Variants in EDAR observed in about 807,000 individuals in gnomAD.
The protein encoded by EDAR is ectodysplasin A receptor.
In EDAR, 38 loss-of-function variants were observed where a neutral mutation model predicts 51.3. The observed-to-expected ratio is 0.74, with a 90% CI of 0.57 to 0.97. EDAR has a LOEUF of 0.97. Ranked by LOEUF, EDAR falls within the 50% of genes least tolerant of loss-of-function variation. The pLI is 0.00. For synonymous variants in EDAR, 227 were observed against 242.1 expected, an observed-to-expected ratio of 0.94 and a Z score of 0.58; for missense variants, 528 against 595.0, an observed-to-expected ratio of 0.89 and a Z score of 1.17.
chr2:108,934,818 G>C (rs796446165), intron 1 of EDAR, among the ~76,000 whole-genome samples: 13 of 152,292 alleles, frequency 8.5e-5, no homozygotes, highest in African/African-American at 2.9e-4. Context: ...CTGTTCACTG[G>C]GGATTAAGGG....
intron 1 of EDAR, among the ~76,000 whole-genome samples, chr2:108,954,382 A>G (rs1697880723): frequency 6.6e-6 from 1 of 152,220 alleles, no homozygotes; most frequent in Admixed American, 6.5e-5. Flanking sequence ...GGAATTTCAC[A>G]GACATTCTGC....
rs1697319846 is a variant in EDAR, at chr2:108,929,287, A to T, written c.267T>A (p.Arg89=). 6.2e-7 allele frequency: 1 copy of T among 1,614,166 alleles called. No individual in the cohort carries two copies. The highest frequency in any genetic ancestry group is 8.5e-7 in the Non-Finnish European group (1 of 1,180,024). The change falls in exon 4 of 12, where the codon CGT becomes CGA. Residue 89 remains arginine (R), a synonymous_variant. Transcript: ENST00000258443. ...FSKGGYQICR[R]HKDCEGFFRA... ...GGAAGAAGCCCTCACAGTCTTTGTG[A>T]CGCCTGCATATCTGGTAGCCTCCTT...
intron 1 of EDAR, among the ~76,000 whole-genome samples, chr2:108,986,866 A>C (rs1054097015): frequency 3.9e-5 from 6 of 152,226 alleles, no homozygotes; most frequent in African/African-American, 1.4e-4. Flanking sequence ...CTCACAGGAA[A>C]GGCTGGCTGG....
chr2:108,953,960 G>C (rs1574402153), intron 1 of EDAR, among the ~76,000 whole-genome samples: 1 of 152,140 alleles, frequency 6.6e-6, no homozygotes, highest in Admixed American at 6.5e-5. Context: ...AGATTACCAA[G>C]ATCCTAAAAC....
At chr2:108,987,791 CT>C (rs1174955566) in intron 1 of EDAR, among the ~76,000 whole-genome samples, 2 of 152,236 alleles carry the variant, frequency 1.3e-5, no homozygotes, top group Non-Finnish European at 2.9e-5. Context: ...GGAACGAACG[CT>C]TATTTCCAAG....
intron 11 of EDAR, among the ~76,000 whole-genome samples, chr2:108,903,535 A>T (rs2105383880): frequency 6.6e-6 from 1 of 152,318 alleles, no homozygotes; most frequent in East Asian, 1.9e-4. Flanking sequence ...TTGTGGTATT[A>T]TCAGAGGGAC....
rs1696841132 is a variant in EDAR at position 108,907,874 on chromosome 2, T to C, written c.949A>G (p.Asn317Asp). The change falls in exon 10 of 12, where the codon AAC (asparagine) becomes GAC (aspartate). Residue 317 changes from asparagine to aspartate, a missense_variant. Physicochemically the swap from Asn to Asp is conservative, Grantham distance 23. Transcript: ENST00000258443. ...HLAREKSATS[N>D]KSAGIQSRRK... ...AGGAGCCTCACCCCGGCTGACTTGTTGCTGGTGGCAGACTTCTCCCTGGCC... is the reference window on the plus strand; with the variant it reads ...AGGAGCCTCACCCCGGCTGACTTGTCGCTGGTGGCAGACTTCTCCCTGGCC... 1 of 1,613,580 alleles carries C rather than the reference T, an allele frequency of 6.2e-7. No homozygotes were observed. The highest frequency in any genetic ancestry group is 8.5e-7 in the Non-Finnish European group (1 of 1,180,010).
intron 1 of EDAR, among the ~76,000 whole-genome samples, chr2:108,957,276 T>C (rs933726981): frequency 2.6e-5 from 4 of 152,204 alleles, no homozygotes; most frequent in East Asian, 1.9e-4. Context: ...GTGAGACAGA[T>C]GAAAGCCTGG....
At position 108,908,526 on chromosome 2, in the gene EDAR, AG is replaced by A. The variant is rs562210608; in HGVS notation, c.804-508del. 1.7e-3 allele frequency among the ~76,000 whole-genome samples: 259 copies of A among 152,170 alleles called. 1 individual carries two copies. Among genetic ancestry groups the A allele is most frequent in the African/African-American group, 5.8e-3 (241 of 41,532 alleles). On this transcript the variant is annotated intron_variant, in intron 9 of 11. Transcript: ENST00000258443. ...GTGCCTGGAAAGCCCCCTCTTGACT[AG>A]GGGGGTGACCTGGCTGACCTGTGTG...
At chr2:108,943,605 GAC>G (rs1697651657) in intron 1 of EDAR, among the ~76,000 whole-genome samples, 1 of 152,172 alleles carries the variant, frequency 6.6e-6, no homozygotes, top group African/African-American at 2.4e-5. Context: ...GGCTTGGGAG[GAC>G]TCACTTCCGA....
chr2:108,916,471 C>T (rs931547146), intron 5 of EDAR, among the ~76,000 whole-genome samples: 2 of 152,116 alleles, frequency 1.3e-5, no homozygotes, highest in African/African-American at 4.8e-5. Context: ...AATGACGTCC[C>T]CAAACAATGC....
intron 1 of EDAR, among the ~76,000 whole-genome samples, chr2:108,962,135 G>T (rs1406030313): frequency 6.6e-6 from 1 of 152,192 alleles, no homozygotes; most frequent in Non-Finnish European, 1.5e-5. Context: ...GTAGCATGTG[G>T]CGCCCTGTCT....
intron 1 of EDAR, among the ~76,000 whole-genome samples, chr2:108,962,801 C>T (rs1470454525): frequency 6.6e-6 from 1 of 151,994 alleles, no homozygotes; most frequent in African/African-American, 2.4e-5. Context: ...AACCGCAGTA[C>T]CATTCTGTCC....
At chr2:108,965,215 C>T (rs947448198) in intron 1 of EDAR, among the ~76,000 whole-genome samples, 1 of 152,076 alleles carries the variant, frequency 6.6e-6, no homozygotes, top group African/African-American at 2.4e-5. Context: ...CGGTGGCTCA[C>T]GACTGTAATC....
intron 5 of EDAR, among the ~76,000 whole-genome samples, chr2:108,915,562 C>T (rs570364883): frequency 2.0e-5 from 3 of 152,316 alleles, no homozygotes; most frequent in African/African-American, 7.2e-5. Flanking sequence ...TCTTTGCTTT[C>T]TTAATTTAGC....
intron 1 of EDAR, among the ~76,000 whole-genome samples, chr2:108,972,992 AT>A (rs35615730): frequency 1.3e-4 from 20 of 148,758 alleles, no homozygotes; most frequent in African/African-American, 2.7e-4. Flanking sequence ...TTTTAATTGA[AT>A]TTTTTTTTTT....
intron 11 of EDAR, among the ~76,000 whole-genome samples, chr2:108,898,771 A>G (rs1391798561): frequency 6.6e-6 from 1 of 152,258 alleles, no homozygotes; most frequent in Admixed American, 6.5e-5. Flanking sequence ...TATTAGAACT[A>G]CAAAAGTACA....
chr2:108,910,297 C>T lies in EDAR; in HGVS notation c.803+163G>A, dbSNP rs547019540. Among the ~76,000 whole-genome samples the T allele has an allele frequency of 2.0e-5, 3 of 152,334 alleles. No individual in the cohort carries two copies. The South Asian group carries it at 6.2e-4, about 32-fold the overall frequency. ...TCCACAGGCTCCTCACACCACCTGA[C>T]CCCTGCCAGTCAGCAAAGAGGTGGT... is the stretch of plus-strand genomic sequence containing the variant. On this transcript the variant is annotated intron_variant, in intron 9 of 11. Transcript: ENST00000258443.
intron 1 of EDAR, among the ~76,000 whole-genome samples, chr2:108,968,414 C>T (rs913967477): frequency 8.5e-5 from 13 of 152,058 alleles, no homozygotes. Flanking sequence ...GTTTTGCAAA[C>T]CAGGGATGTA....
Sources: allele counts gnomAD v4.1 joint callset (sites outside exome capture counted in the v4.1 genomes callset), GRCh38; gene constraint gnomAD v4.1.1; transcripts MANE v1.5; gene names NCBI Gene and HGNC (gene_info 2026-07-23, HGNC 2026-07-21).